Variants in FREM1 observed in about 807,000 individuals in gnomAD.
FREM1 encodes FRAS1-related extracellular matrix protein 1.
Under a neutral mutation model 210.1 loss-of-function variants are expected in FREM1, and 220 were observed. The observed-to-expected ratio is 1.05, with a 90% CI of 0.94 to 1.17. The LOEUF (loss-of-function observed/expected upper bound fraction) is 1.17, where lower values mean the gene tolerates loss of function less well. Ranked by LOEUF, FREM1 falls within the 50% of genes most tolerant of loss-of-function variation. FREM1 has a pLI of 0.00. For synonymous variants in FREM1, 1,189 were observed against 980.2 expected, an observed-to-expected ratio of 1.21 and a Z score of -3.98; for missense variants, 3,454 against 2,675.5, an observed-to-expected ratio of 1.29 and a Z score of -6.42.
chr9:14,750,151 C>A lies in FREM1; in HGVS notation c.5533G>T (p.Val1845Leu), dbSNP rs376369683. The A allele has an allele frequency of 1.5e-5, 24 of 1,613,796 alleles. 1 individual carries two copies. In the African/African-American group the frequency reaches 2.4e-4, roughly 16 times the overall value. ...CCTCCTTTTGAGTCCAAAATTTTCA[C>A]TGCAGCTTTTGTCTTTGTGCCAAGA... Reference protein sequence around the residue: ...AVLGTKTKAAVKILDSKGGQC... With the variant: ...AVLGTKTKAALKILDSKGGQC... The change falls in exon 30 of 37, where the codon GTG becomes TTG. Residue 1845 changes from valine to leucine, a missense_variant. By Grantham distance (32) the Val-to-Leu change is conservative. Coordinates refer to ENST00000380880, the MANE Select transcript of FREM1 (RefSeq NM_001379081.2).
At position 14,747,310 on chromosome 9, in the gene FREM1, T is replaced by C; in HGVS notation, c.5963A>G (p.Gln1988Arg). The change falls in exon 33 of 37, where the codon CAA becomes CGA. Residue 1988 changes from glutamine (Q) to arginine (R), a missense_variant. By Grantham distance (43) the Gln-to-Arg change is conservative. Coordinates refer to ENST00000380880, the MANE Select transcript of FREM1 (RefSeq NM_001379081.2). Reference sequence around the variant, plus strand: ...AGTTGTGGATTCCACCTTATCTGCTTGAGGCAGTTCTGCCACTTTGATTGT... The same window carrying C: ...AGTTGTGGATTCCACCTTATCTGCTCGAGGCAGTTCTGCCACTTTGATTGT... ...QKTIKVAELP[Q>R]ADKVESTTDS... The C allele has an allele frequency of 6.2e-7, 1 of 1,613,766 alleles. No homozygotes were observed. Among genetic ancestry groups the C allele is most frequent in the Non-Finnish European group, 8.5e-7 (1 of 1,179,818 alleles).
chr9:14,832,355 CA>C (rs1391204767), intron 10 of FREM1, among the ~76,000 whole-genome samples: 6 of 152,152 alleles, frequency 3.9e-5, no homozygotes, highest in Non-Finnish European at 7.3e-5. Flanking sequence ...TGACCGTACA[CA>C]GAGTTGGCAA....
At chr9:14,803,203 TTTC>T (rs1390822379) in intron 19 of FREM1, among the ~76,000 whole-genome samples, 36 of 139,802 alleles carry the variant, frequency 2.6e-4, no homozygotes, top group Middle Eastern at 7.0e-3. Flanking sequence ...TCCCTCCCTC[TTTC>T]TTCTTTCTCT....
At chr9:14,849,695 G>A (rs926196002) in intron 6 of FREM1, among the ~76,000 whole-genome samples, 5 of 152,176 alleles carry the variant, frequency 3.3e-5, no homozygotes, top group Non-Finnish European at 4.4e-5. Flanking sequence ...TAATGCATTC[G>A]GTTGGGCCCT....
rs548933021 is a variant in FREM1 at position 14,767,651 on chromosome 9, C to T, written c.5204+2073G>A. On this transcript the variant is annotated intron_variant, in intron 27 of 36. Transcript: ENST00000380880. ...GCCTGGCTGTCTTGGGAAGATGAAC[C>T]ACTATTCATAACCTTGCTTTTTACT... 2.0e-5 allele frequency among the ~76,000 whole-genome samples: 3 copies of T among 152,246 alleles called. No individual in the cohort carries two copies. The East Asian group carries it at 5.8e-4, about 29-fold the overall frequency.
chr9:14,890,749 C>A (rs747094095), intron 1 of FREM1, among the ~76,000 whole-genome samples: 4 of 152,146 alleles, frequency 2.6e-5, no homozygotes, highest in Non-Finnish European at 4.4e-5. Flanking sequence ...TCTACAGAGG[C>A]CTTCTACTAA....
intron 7 of FREM1, among the ~76,000 whole-genome samples, chr9:14,847,400 A>AGGAGGAAGGAAGGAAGGAAGGAAGGAAG: frequency 2.9e-5 from 1 of 34,872 alleles, no homozygotes; most frequent in African/African-American, 9.5e-5. Context: ...AGAGAGAAAA[A>AGGAGGAAGGAAGGAAGGAAGGAAGGAAG]GAAGGAAGGA....
At chr9:14,897,335 C>G (rs1837914294) in intron 1 of FREM1, among the ~76,000 whole-genome samples, 2 of 152,006 alleles carry the variant, frequency 1.3e-5, no homozygotes, top group African/African-American at 2.4e-5. Flanking sequence ...TATTCCAATC[C>G]CAGAAGACAG....
chr9:14,837,721 T>C (rs541661432), intron 10 of FREM1, among the ~76,000 whole-genome samples: 30 of 152,230 alleles, frequency 2.0e-4, no homozygotes, highest in African/African-American at 6.7e-4. Context: ...AACACTGTAA[T>C]TGGGGGGAAA....
intron 15 of FREM1, among the ~76,000 whole-genome samples, chr9:14,813,509 A>G (rs893999813): frequency 1.3e-5 from 2 of 152,048 alleles, no homozygotes; most frequent in Non-Finnish European, 2.9e-5. Context: ...GCTTTCCTCC[A>G]CCCTCAACTT....
intron 20 of FREM1, among the ~76,000 whole-genome samples, chr9:14,798,807 G>A (rs896888663): frequency 6.6e-6 from 1 of 152,004 alleles, no homozygotes; most frequent in Admixed American, 6.6e-5. Context: ...CCAAGTAGCT[G>A]GGGTTACAGA....
intron 1 of FREM1, among the ~76,000 whole-genome samples, chr9:14,883,105 GAAGGTGGC>G (rs781702387): frequency 5.9e-5 from 9 of 152,082 alleles, no homozygotes; most frequent in Non-Finnish European, 1.2e-4. Flanking sequence ...GGGCCTGGAT[GAAGGTGGC>G]AAGGTGGCAA....
At chr9:14,893,287 T>C (rs1387343941) in intron 1 of FREM1, among the ~76,000 whole-genome samples, 1 of 152,244 alleles carries the variant, frequency 6.6e-6, no homozygotes, top group East Asian at 1.9e-4. Flanking sequence ...GTAGTGAATC[T>C]GTTGTACTTT....
At chr9:14,908,513 C>T (rs1003696024) in intron 1 of FREM1, among the ~76,000 whole-genome samples, 7 of 151,668 alleles carry the variant, frequency 4.6e-5, no homozygotes, top group Non-Finnish European at 8.8e-5. Flanking sequence ...CCTTTTTTCC[C>T]TCGTGGGAAT....
At chr9:14,741,301 C>G (rs1169214002) in intron 35 of FREM1, among the ~76,000 whole-genome samples, 1 of 152,132 alleles carries the variant, frequency 6.6e-6, no homozygotes, top group East Asian at 1.9e-4. Context: ...ATCTATTTCT[C>G]TGCTTTTCCA....
chr9:14,804,572 G>A (rs1477577657), intron 19 of FREM1, among the ~76,000 whole-genome samples: 2 of 152,086 alleles, frequency 1.3e-5, no homozygotes, highest in Non-Finnish European at 2.9e-5. Context: ...GCGACAGAGC[G>A]GGACTCCATC....
intron 1 of FREM1, among the ~76,000 whole-genome samples, chr9:14,889,200 T>C (rs1455367745): frequency 1.3e-5 from 2 of 152,204 alleles, no homozygotes; most frequent in Non-Finnish European, 2.9e-5. Context: ...AGATGTGGAA[T>C]TGTAAAGCTG....
intron 10 of FREM1, among the ~76,000 whole-genome samples, chr9:14,841,053 G>C (rs1427474175): frequency 6.6e-6 from 1 of 152,138 alleles, no homozygotes; most frequent in Non-Finnish European, 1.5e-5. Context: ...TACAGACAAG[G>C]AAACTGGAGC....
intron 1 of FREM1, among the ~76,000 whole-genome samples, chr9:14,902,836 CTA>C (rs1229600640): frequency 2.0e-5 from 3 of 152,130 alleles, no homozygotes. Context: ...GTTTATGTGG[CTA>C]CATATTTTAT....
Sources: allele counts gnomAD v4.1 joint callset (sites outside exome capture counted in the v4.1 genomes callset), GRCh38; gene constraint gnomAD v4.1.1; transcripts MANE v1.5; gene names NCBI Gene and HGNC (gene_info 2026-07-23, HGNC 2026-07-21).